Variants in MCF2L observed in about 807,000 individuals in gnomAD.
MCF2L encodes MCF.2 cell line derived transforming sequence like.
MCF2L carries 97 observed loss-of-function variants against 153.4 expected under a neutral mutation model. The ratio of observed to expected loss-of-function variants is 0.63; its 90% confidence interval spans 0.54 to 0.75. The LOEUF (loss-of-function observed/expected upper bound fraction) is 0.75, where lower values mean the gene tolerates loss of function less well. MCF2L is among the 30% of genes least tolerant of loss of function. MCF2L has a pLI of 0.00. For synonymous variants in MCF2L, 659 were observed against 632.2 expected (o/e 1.04, Z -0.64); for missense variants, 1,347 against 1,495.2 (o/e 0.90, Z 1.64).
rs190868182 is a variant in MCF2L, at chr13:113,075,945, G to C, written c.1309-21G>C. ...CACCCTCTCACGGCGTCCTGCCCTC[G>C]GCAATGCTCTGTGTTTCCAGTCCAT... On this transcript the variant is annotated intron_variant, in intron 11 of 29. Coordinates refer to ENST00000535094, the MANE Select transcript of MCF2L (RefSeq NM_001112732.3). 11 of 1,582,538 alleles carry C rather than the reference G, an allele frequency of 7.0e-6. No individual in the cohort carries two copies. In the Admixed American group the frequency reaches 1.6e-4, roughly 23 times the overall value.
Position 113,001,913 on chromosome 13 carries a change from G to A in MCF2L, c.80-12850G>A, listed in dbSNP as rs748770398. 4 of 1,593,708 alleles carry A rather than the reference G, an allele frequency of 2.5e-6. No individual in the cohort carries two copies. The South Asian group carries it at 4.5e-5, about 18-fold the overall frequency. ...GCTCCTGACTCGCACTGGGCAGCAT[G>A]ACGGTGCGCCGGCTGTCACTGCTGT... On this transcript the variant is annotated intron_variant, in intron 1 of 29. Coordinates refer to ENST00000535094, the MANE Select transcript of MCF2L (RefSeq NM_001112732.3).
chr13:112,919,698 G>A (rs1180598741), intron 2 of MCF2L, among the ~76,000 whole-genome samples: 2 of 152,228 alleles, frequency 1.3e-5, no homozygotes, highest in African/African-American at 4.8e-5. Context: ...TCTTTTCTTA[G>A]CTAGTTTAAC....
chr13:112,925,208 G>T (rs768643766), intron 2 of MCF2L, among the ~76,000 whole-genome samples: 2 of 152,136 alleles, frequency 1.3e-5, no homozygotes, highest in Non-Finnish European at 2.9e-5. Flanking sequence ...ACCATTCTTC[G>T]TCCACCAGAG....
At chr13:113,019,221 G>T (rs2084724406) in intron 2 of MCF2L, among the ~76,000 whole-genome samples, 1 of 152,220 alleles carries the variant, frequency 6.6e-6, no homozygotes, top group Non-Finnish European at 1.5e-5. Context: ...GAGCTGCAGG[G>T]CTCCAGCATG....
intron 2 of MCF2L, among the ~76,000 whole-genome samples, chr13:112,953,809 G>A (rs929720492): frequency 2.0e-5 from 3 of 152,212 alleles, no homozygotes; most frequent in Admixed American, 2.0e-4. Context: ...TGACAGGAGC[G>A]TTCAGCCACC....
intron 2 of MCF2L, among the ~76,000 whole-genome samples, chr13:112,914,739 CTTTG>C (rs150231898): frequency 0.015 from 2,353 of 152,270 alleles, 60 homozygotes; most frequent in African/African-American, 0.053. Flanking sequence ...ATGTTTTTAT[CTTTG>C]TTTGCCCATA....
At position 113,095,320 on chromosome 13, in the gene MCF2L, C is replaced by T. The variant is rs190605836; in HGVS notation, c.3075+685C>T. ...GCTCTGGAAGGGCAGAGAAGCCAGG[C>T]GTGGAAGGGTAGGGAGAGCCCTCGG... On this transcript the variant is annotated intron_variant, in intron 27 of 29. Coordinates refer to ENST00000535094, the MANE Select transcript of MCF2L (RefSeq NM_001112732.3). The T allele has an allele frequency of 3.7e-4, 429 of 1,173,750 alleles. No homozygotes were observed. In the African/African-American group the frequency reaches 6.0e-3, roughly 16 times the overall value. 72.7% of individuals were successfully genotyped at this position (1,173,750 alleles called of 1,614,324 possible). A position where few individuals can be genotyped will look rare whatever the true frequency, so the allele number is the denominator to read the frequency against.
At chr13:113,095,246 C>T (rs2035549221) in intron 27 of MCF2L, 14 of 1,203,078 alleles carry the variant, frequency 1.2e-5, no homozygotes, top group Admixed American at 9.7e-5. Context: ...CTGTGCTGTG[C>T]GTGGTCCATG....
chr13:112,977,742 C>T (rs191918746), intron 1 of MCF2L, among the ~76,000 whole-genome samples: 15 of 152,262 alleles, frequency 9.9e-5, no homozygotes, highest in Middle Eastern at 3.4e-3. Context: ...GGCTCCCGTG[C>T]GCACCGCTCA....
chr13:113,036,812 A>C (rs2993323), intron 3 of MCF2L, among the ~76,000 whole-genome samples: 110,581 of 152,188 alleles, frequency 0.73, 40,304 homozygotes, highest in East Asian at 0.85. Context: ...AGAGGACTCC[A>C]AGCCTCTATT....
intron 1 of MCF2L, among the ~76,000 whole-genome samples, chr13:112,995,165 GC>G (rs1356110710): frequency 6.6e-6 from 1 of 152,232 alleles, no homozygotes; most frequent in Non-Finnish European, 1.5e-5. Context: ...CTGTGCCCGT[GC>G]CCCGGGCTCC....
At chr13:112,935,872 T>TGGAG (rs1423820784) in intron 2 of MCF2L, among the ~76,000 whole-genome samples, 2 of 152,104 alleles carry the variant, frequency 1.3e-5, no homozygotes, top group South Asian at 2.1e-4. Context: ...CGTGTGATGA[T>TGGAG]GGAGGCCAAG....
rs902316259 is a variant in MCF2L, at chr13:112,932,370, C to A, written c.169+29999C>A. 3.9e-5 allele frequency among the ~76,000 whole-genome samples: 6 copies of A among 152,086 alleles called. No individual in the cohort carries two copies. The highest frequency in any genetic ancestry group is 1.4e-4 in the African/African-American group (6 of 41,424). On this transcript the variant is annotated intron_variant, in intron 2 of 29. Transcript: ENST00000375608. This position sits in a 1 kb window ranked among gnomAD's most constrained non-coding sequence, Gnocchi z 4.6. ...TAGCCCTCAAAACTGTCAAAGTCAT[C>A]AAAAATAAGGGAGCTCTGAGAAGCT...
At position 113,066,049 on chromosome 13, in the gene MCF2L, G is replaced by T; in HGVS notation, c.760G>T (p.Asp254Tyr). 1 of 1,613,054 alleles carries T rather than the reference G, an allele frequency of 6.2e-7. No individual in the cohort carries two copies. Among genetic ancestry groups the T allele is most frequent in the Non-Finnish European group, 8.5e-7 (1 of 1,179,846 alleles). The change falls in exon 8 of 30, where the codon GAT (aspartate) becomes TAT (tyrosine). Residue 254 changes from aspartate (D) to tyrosine (Y), a missense_variant. Physicochemically the swap from Asp to Tyr is radical, Grantham distance 160. Around this residue, in one of 3 missense-constraint regions of MCF2L, gnomAD observed 820 missense variants for 921.2 expected, o/e 0.89. Transcript: ENST00000535094. ...TGAGGCTGCATTCTCTCCACAGGAG[G>T]ATTTGAGGCTGGCACTGAAAGAGGG... ...HTEKKDKAKEDLRLALKEGHS... is the reference protein window; with the variant it reads ...HTEKKDKAKEYLRLALKEGHS...
chr13:113,019,010 T>A (rs1004678464), intron 2 of MCF2L, among the ~76,000 whole-genome samples: 5 of 152,030 alleles, frequency 3.3e-5, no homozygotes, highest in African/African-American at 4.8e-5. Flanking sequence ...GACTTAGGAG[T>A]TCCTCCCCTG....
intron 11 of MCF2L, 31 bp downstream of exon 11, chr13:113,075,220 C>CT: frequency 6.4e-7 from 1 of 1,555,458 alleles, no homozygotes; most frequent in Non-Finnish European, 8.7e-7. Flanking sequence ...CCCCACTCCC[C>CT]CCCAGCTGCG....
At chr13:112,998,798 T>A (rs1392585343) in intron 1 of MCF2L, among the ~76,000 whole-genome samples, 2 of 152,262 alleles carry the variant, frequency 1.3e-5, no homozygotes, top group South Asian at 4.1e-4. Flanking sequence ...AATCGGAAAC[T>A]GGACAGAAAC....
chr13:113,032,435 A>G (rs769830302), intron 3 of MCF2L, among the ~76,000 whole-genome samples: 4 of 152,198 alleles, frequency 2.6e-5, no homozygotes, highest in African/African-American at 4.8e-5. Context: ...CACTGGGGTG[A>G]CACCCAGGCT....
intron 1 of MCF2L, among the ~76,000 whole-genome samples, chr13:112,900,120 A>G (rs1165560915): frequency 6.6e-6 from 1 of 152,196 alleles, no homozygotes; most frequent in Non-Finnish European, 1.5e-5. Context: ...CATGTTTGAA[A>G]TTCTCTGAGG....
Sources: allele counts gnomAD v4.1 joint callset (sites outside exome capture counted in the v4.1 genomes callset), GRCh38; gene constraint gnomAD v4.1.1; regional missense constraint gnomAD v4.1.1; non-coding constraint Gnocchi (gnomAD v3.1); transcripts MANE v1.5; gene names NCBI Gene and HGNC (gene_info 2026-07-23, HGNC 2026-07-21).